The following KANK4 variants were observed in gnomAD, a reference collection of about 807,000 sequenced individuals.
The protein encoded by KANK4 is KN motif and ankyrin repeat domain-containing protein 4.
In KANK4, 50 loss-of-function variants were observed where a neutral mutation model predicts 80.8. The ratio of observed to expected loss-of-function variants is 0.62; its 90% CI spans 0.49 to 0.78. The LOEUF (loss-of-function observed/expected upper bound fraction) is 0.78. Among genes scored for constraint, KANK4 ranks in the 30% least tolerant of loss-of-function variants. KANK4 has a pLI of 0.00. For missense variants in KANK4, 1,196 were observed against 1,240.1 expected, an observed-to-expected ratio of 0.96 and a Z score of 0.53; for synonymous variants, 465 against 506.9, an observed-to-expected ratio of 0.92 and a Z score of 1.11.
intron 1 of KANK4, among the ~76,000 whole-genome samples, chr1:62,283,621 G>A (rs1672499162): frequency 6.6e-6 from 1 of 152,168 alleles, no homozygotes; most frequent in Admixed American, 6.5e-5. Flanking sequence ...AACACAAAAA[G>A]CCTCTGGGCT....
chr1:62,288,943 T>C (rs1672625986), intron 1 of KANK4, among the ~76,000 whole-genome samples: 1 of 152,044 alleles, frequency 6.6e-6, no homozygotes, highest in Non-Finnish European at 1.5e-5. Flanking sequence ...CCTCACAAAT[T>C]AATAAAAAAG....
In KANK4 at chr1:62,273,764, T is replaced by C. The variant is rs1275788397; in HGVS notation, c.1340A>G (p.His447Arg). Residue 447 changes from histidine to arginine, a missense_variant, in exon 3 of 10, where the codon CAC becomes CGC. Transcript: ENST00000371153. ...TAGGAGGCCATTCTCCTCTCCTCGG[T>C]GCCCCCAGCTTTCAGACTCCATGCT... Reference protein sequence around the residue: ...LGSMESESWGHRGEENGLLWG... With the variant: ...LGSMESESWGRRGEENGLLWG... 3 of 1,613,940 alleles carry C rather than the reference T, an allele frequency of 1.9e-6. No homozygotes were observed. Among genetic ancestry groups the C allele is most frequent in the Admixed American group, 1.7e-5 (1 of 59,990 alleles).
chr1:62,272,874 T>TCCG (rs1227719445), intron 3 of KANK4: 4 of 176,586 alleles, frequency 2.3e-5, no homozygotes, highest in Non-Finnish European at 4.6e-5. Context: ...CACTGCAACC[T>TCCG]CCGCCTCCTG....
chr1:62,264,452 A>T (rs192768347), intron 6 of KANK4, among the ~76,000 whole-genome samples: 1 of 152,156 alleles, frequency 6.6e-6, no homozygotes, highest in African/African-American at 2.4e-5. Flanking sequence ...AAAATCACTG[A>T]CTCAGCTGTG....
Position 62,261,289 on chromosome 1 carries a change from G to C in KANK4, c.2539+1803C>G, listed in dbSNP as rs578002087. Among the ~76,000 whole-genome samples the C allele has an allele frequency of 4.0e-5, 6 of 151,630 alleles. No individual in the cohort carries two copies. In the South Asian group the frequency reaches 1.0e-3, roughly 26 times the overall value. On this transcript the variant is annotated intron_variant, in intron 7 of 9. Transcript: ENST00000371153. Reference sequence around the variant, plus strand: ...TTCTCCTGCTTCAGCCTCCTGAGTAGCTAGGATTACAGGCATGCGTCACTA... The same window carrying C: ...TTCTCCTGCTTCAGCCTCCTGAGTACCTAGGATTACAGGCATGCGTCACTA...
At chr1:62,244,085 T>C (rs1671409624) in intron 9 of KANK4, among the ~76,000 whole-genome samples, 1 of 152,174 alleles carries the variant, frequency 6.6e-6, no homozygotes, top group Admixed American at 6.6e-5. Flanking sequence ...AGTCTACTGC[T>C]GTCCCCATTT....
At chr1:62,286,225 GCCCA>G (rs949937340) in intron 1 of KANK4, among the ~76,000 whole-genome samples, 1 of 152,226 alleles carries the variant, frequency 6.6e-6, no homozygotes, top group Non-Finnish European at 1.5e-5. Flanking sequence ...CTGCTGCATA[GCCCA>G]CAGCAGGGAG....
At chr1:62,258,715 T>C (rs1324620879) in intron 7 of KANK4, among the ~76,000 whole-genome samples, 1 of 152,116 alleles carries the variant, frequency 6.6e-6, no homozygotes, top group East Asian at 1.9e-4. Context: ...CAGGAGCCCC[T>C]TTTGAGTGAA....
chr1:62,312,981 C>A (rs1474838300), intron 1 of KANK4, among the ~76,000 whole-genome samples: 1 of 152,108 alleles, frequency 6.6e-6, no homozygotes, highest in East Asian at 1.9e-4. Flanking sequence ...GGTTCCCCCC[C>A]AAACCCCTGT....
intron 1 of KANK4, among the ~76,000 whole-genome samples, chr1:62,283,981 C>T (rs983600140): frequency 3.3e-5 from 5 of 152,116 alleles, no homozygotes; most frequent in African/African-American, 1.2e-4. Flanking sequence ...TTCAAGGCTA[C>T]AGAAATTAAG....
chr1:62,295,706 T>C (rs1644358107), intron 1 of KANK4, among the ~76,000 whole-genome samples: 1 of 152,210 alleles, frequency 6.6e-6, no homozygotes, highest in South Asian at 2.1e-4. Context: ...CCCAGTGCTT[T>C]CCTTTACAAA....
chr1:62,241,184 G>A (rs989657906), intron 9 of KANK4, among the ~76,000 whole-genome samples: 3 of 152,150 alleles, frequency 2.0e-5, no homozygotes, highest in Non-Finnish European at 4.4e-5. Flanking sequence ...TTTTTCCCAT[G>A]CACGGGGATA....
rs1379970180 is a variant in KANK4, at chr1:62,237,059, G to A, written c.*1218C>T. 6.6e-6 allele frequency: 1 copy of A among 151,686 alleles called. No individual in the cohort carries two copies. Among genetic ancestry groups the A allele is most frequent in the Admixed American group, 6.6e-5 (1 of 15,222 alleles). The allele number at this position is 151,686 out of a possible 1,614,324, so 9.4% of individuals were successfully genotyped here. A position where few individuals can be genotyped will look rare whatever the true frequency, so the allele number is the denominator to read the frequency against. On this transcript the variant is annotated 3_prime_UTR_variant, in exon 10 of 10. Coordinates refer to ENST00000371153, the MANE Select transcript of KANK4 (RefSeq NM_181712.5). Reference sequence around the variant, plus strand: ...AGCAAATTGGCATCTGAGCCAAAATGAGAGTGCAAGCTTTTGAGTTTCCAA... The same window carrying A: ...AGCAAATTGGCATCTGAGCCAAAATAAGAGTGCAAGCTTTTGAGTTTCCAA...
Position 62,250,834 on chromosome 1 carries a change from A to G in KANK4, c.2682+2233T>C, listed in dbSNP as rs963001644. The stretch of plus-strand genomic sequence containing the variant: ...GAAAACCAGAAAGTAATCTATAAAC[A>G]TCGGCTTCTGGCCGTCACTAGGGTT... On this transcript the variant is annotated intron_variant, in intron 8 of 9. Coordinates refer to ENST00000371153, the MANE Select transcript of KANK4 (RefSeq NM_181712.5). 7.9e-5 allele frequency among the ~76,000 whole-genome samples: 12 copies of G among 152,364 alleles called. No individual in the cohort carries two copies. The South Asian group carries it at 1.9e-3, about 24-fold the overall frequency.
chr1:62,252,712 TG>T (rs1262454625), intron 8 of KANK4, among the ~76,000 whole-genome samples: 1 of 152,222 alleles, frequency 6.6e-6, no homozygotes, highest in Non-Finnish European at 1.5e-5. Flanking sequence ...AAGATCAAGG[TG>T]GGTCACCTGT....
rs34488630 is a variant in KANK4, at chr1:62,253,409, C to CTT, written c.2540-202_2540-201dup. Among the ~76,000 whole-genome samples the CTT allele has an allele frequency of 0.28, 30,641 of 110,824 alleles. 5,596 individuals are homozygous for CTT. Among genetic ancestry groups the CTT allele is most frequent in the East Asian group, 0.69 (2,425 of 3,526 alleles). 72.7% of individuals were successfully genotyped at this position (110,824 alleles called of 152,430 possible). On this transcript the variant is annotated intron_variant, in intron 7 of 9. Transcript: ENST00000371153. The stretch of plus-strand genomic sequence containing the variant: ...TTTCTTTTCTTTTTTTTCTTTCTTT[C>CTT]TTTTTTTTTTTTTTTTTTGAGACAG...
intron 9 of KANK4, among the ~76,000 whole-genome samples, chr1:62,244,649 CGTGTGGAACTGTAA>C (rs575909827): frequency 3.3e-5 from 5 of 152,150 alleles, no homozygotes; most frequent in Non-Finnish European, 7.4e-5. Flanking sequence ...CTTTCCCAGC[CGTGTGGAACTGTAA>C]GTCCAATTAA....
chr1:62,295,812 T>C (rs1338506068), intron 1 of KANK4, among the ~76,000 whole-genome samples: 2 of 152,258 alleles, frequency 1.3e-5, no homozygotes, highest in Non-Finnish European at 2.9e-5. Flanking sequence ...AAATGTGGAA[T>C]AATGGAGTTT....
intron 1 of KANK4, among the ~76,000 whole-genome samples, chr1:62,295,146 T>C (rs1644350503): frequency 6.7e-6 from 1 of 149,918 alleles, no homozygotes; most frequent in Non-Finnish European, 1.5e-5. Flanking sequence ...CATCTTTTCT[T>C]TTTTTTTTTT....
Sources: allele counts gnomAD v4.1 joint callset (sites outside exome capture counted in the v4.1 genomes callset), GRCh38; gene constraint gnomAD v4.1.1; transcripts MANE v1.5; gene names NCBI Gene and HGNC (gene_info 2026-07-23, HGNC 2026-07-21).